The following GPC5 variants were observed in gnomAD, a reference collection of about 807,000 sequenced individuals.
The protein encoded by GPC5 is glypican-5.
A neutral mutation model predicts 53.9 loss-of-function variants in GPC5; 47 were observed. The observed-to-expected ratio is 0.87, with a 90% CI of 0.69 to 1.11. GPC5 has a LOEUF of 1.11. Ranked by LOEUF, GPC5 falls within the 50% of genes most tolerant of loss-of-function variation. The probability of loss-of-function intolerance (pLI) is 0.00; values close to 1 mark genes in which losing one functional copy is unlikely to be tolerated. For synonymous variants in GPC5, 286 were observed against 263.3 expected (o/e 1.09, Z -0.84); for missense variants, 748 against 713.1 (o/e 1.05, Z -0.56).
intron 7 of GPC5, among the ~76,000 whole-genome samples, chr13:92,347,297 T>C (rs1233231066): frequency 6.6e-6 from 1 of 152,004 alleles, no homozygotes; most frequent in Non-Finnish European, 1.5e-5. Context: ...CAGCAACAAA[T>C]AAGAAACTCA....
At chr13:92,786,143 A>G (rs950809459) in intron 7 of GPC5, among the ~76,000 whole-genome samples, 1 of 152,148 alleles carries the variant, frequency 6.6e-6, no homozygotes, top group East Asian at 1.9e-4. Flanking sequence ...GATCACACAA[A>G]ATCTTTATAT....
chr13:92,864,985 G>T (rs1879295766), intron 7 of GPC5, among the ~76,000 whole-genome samples: 1 of 152,034 alleles, frequency 6.6e-6, no homozygotes, highest in Non-Finnish European at 1.5e-5. Flanking sequence ...ATTTAAATCT[G>T]TTAATTGTGA....
chr13:92,245,451 G>T (rs903167399), intron 7 of GPC5, among the ~76,000 whole-genome samples: 3 of 152,098 alleles, frequency 2.0e-5, no homozygotes, highest in East Asian at 3.9e-4. Context: ...AAATTAATCT[G>T]TTTTATTCAC....
intron 7 of GPC5, among the ~76,000 whole-genome samples, chr13:92,394,946 T>C (rs1875191627): frequency 6.6e-6 from 1 of 152,212 alleles, no homozygotes; most frequent in Non-Finnish European, 1.5e-5. Context: ...TGTCGTTTAT[T>C]GCAACCATGT....
intron 7 of GPC5, among the ~76,000 whole-genome samples, chr13:92,430,919 A>G (rs1249043939): frequency 6.6e-6 from 1 of 152,190 alleles, no homozygotes; most frequent in African/African-American, 2.4e-5. Context: ...TAGCTCTACT[A>G]GTAAATAGTG....
intron 6 of GPC5, among the ~76,000 whole-genome samples, chr13:92,030,901 T>C (rs1409684632): frequency 2.0e-5 from 3 of 152,200 alleles, no homozygotes; most frequent in Non-Finnish European, 2.9e-5. Context: ...GCCCAATAAA[T>C]TCCATTTTAC....
intron 7 of GPC5, among the ~76,000 whole-genome samples, chr13:92,316,209 A>G (rs1013597566): frequency 1.3e-5 from 2 of 152,164 alleles, no homozygotes; most frequent in Non-Finnish European, 2.9e-5. Flanking sequence ...TAATTATATA[A>G]ACTTAAAAAA....
intron 6 of GPC5, among the ~76,000 whole-genome samples, chr13:92,058,027 T>C (rs1405600004): frequency 2.0e-5 from 3 of 152,258 alleles, no homozygotes; most frequent in Admixed American, 6.5e-5. Flanking sequence ...CATAATTGAA[T>C]GGGATCTCAT....
intron 6 of GPC5, among the ~76,000 whole-genome samples, chr13:92,044,040 A>G (rs1377565799): frequency 6.6e-6 from 1 of 152,154 alleles, no homozygotes; most frequent in Non-Finnish European, 1.5e-5. Context: ...CTTTGACTTG[A>G]ACCATGGAGA....
At chr13:91,756,155 G>T in intron 4 of GPC5, 140 bp from the exon 5 acceptor site, 1 of 489,410 alleles carries the variant, frequency 2.0e-6, no homozygotes, top group Non-Finnish European at 3.1e-6. Flanking sequence ...TAGAGAAAAT[G>T]TAAAAAATTA....
At chr13:91,660,092 G>A (rs539462214) in intron 2 of GPC5, among the ~76,000 whole-genome samples, 1 of 152,320 alleles carries the variant, frequency 6.6e-6, no homozygotes, top group South Asian at 2.1e-4. Context: ...GGCATCATAT[G>A]TGGTTGGTTA....
chr13:91,734,071 A>ACTCCCTGATGAGTTGCC (rs1335538745), intron 4 of GPC5, among the ~76,000 whole-genome samples: 10 of 146,292 alleles, frequency 6.8e-5, no homozygotes, highest in African/African-American at 2.2e-4. Context: ...CCTTTTCTGC[A>ACTCCCTGATGAGTTGCC]TCTGTTGAGA....
chr13:91,864,517 T>C (rs2039063670), intron 5 of GPC5, among the ~76,000 whole-genome samples: 1 of 152,198 alleles, frequency 6.6e-6, no homozygotes, highest in Non-Finnish European at 1.5e-5. Context: ...ACTGGACCCA[T>C]GTAGCAACTT....
At chr13:92,125,477 C>T (rs948192200) in intron 6 of GPC5, among the ~76,000 whole-genome samples, 7 of 151,544 alleles carry the variant, frequency 4.6e-5, no homozygotes, top group African/African-American at 9.7e-5. Context: ...GTTGAAGCAA[C>T]GTGAATGATG....
At chr13:92,621,646 C>A (rs767882304) in intron 7 of GPC5, among the ~76,000 whole-genome samples, 49 of 152,006 alleles carry the variant, frequency 3.2e-4, no homozygotes, top group Non-Finnish European at 6.2e-4. Context: ...ATGGTGGAAC[C>A]CCTGTCTCTA....
intron 7 of GPC5, among the ~76,000 whole-genome samples, chr13:92,243,438 G>T (rs1020826816): frequency 3.9e-5 from 6 of 152,108 alleles, no homozygotes; most frequent in African/African-American, 1.2e-4. Flanking sequence ...GGAGCCTATT[G>T]CAATAGTCTA....
At chr13:91,671,793 A>C (rs942365440) in intron 2 of GPC5, among the ~76,000 whole-genome samples, 6 of 149,148 alleles carry the variant, frequency 4.0e-5, no homozygotes, top group Non-Finnish European at 7.4e-5. Context: ...AAAAAAAAAA[A>C]AAAAAAAAAA....
chr13:92,352,829 A>T (rs1325077888), intron 7 of GPC5, among the ~76,000 whole-genome samples: 1 of 152,186 alleles, frequency 6.6e-6, no homozygotes, highest in Non-Finnish European at 1.5e-5. Flanking sequence ...TGCACTTGAA[A>T]ACCCAGCCAT....
chr13:91,723,099 A>G (rs2036507588), intron 3 of GPC5, among the ~76,000 whole-genome samples: 1 of 152,152 alleles, frequency 6.6e-6, no homozygotes, highest in South Asian at 2.1e-4. Flanking sequence ...AATGTAGCAT[A>G]TCTACTATTT....
Sources: gnomAD v4.1 joint callset for allele counts (sites outside exome capture counted in the v4.1 genomes callset) on GRCh38, gnomAD v4.1.1 for gene constraint, MANE v1.5 for transcripts, NCBI Gene and HGNC (gene_info 2026-07-23, HGNC 2026-07-21) for gene names.